Variants in TULP4 observed in about 807,000 individuals in gnomAD.
TULP4 encodes the protein TUB like protein 4, also known as tubby-related protein 4.
Under a neutral mutation model 129.0 loss-of-function variants are expected in TULP4, and 16 were observed. The observed-to-expected ratio is 0.12, with a 90% CI of 0.08 to 0.19. The LOEUF is 0.19. Ranked by LOEUF, TULP4 falls within the 10% of genes least tolerant of loss-of-function variation. The probability of loss-of-function intolerance (pLI) is 1.00; values close to 1 mark genes in which losing one functional copy is unlikely to be tolerated. For synonymous variants in TULP4, 998 were observed against 854.0 expected, an observed-to-expected ratio of 1.17 and a Z score of -2.94; for missense variants, 1,842 against 2,059.1, an observed-to-expected ratio of 0.89 and a Z score of 2.04.
At chr6:158,240,631 G>A (rs146772280) in intron 1 of TULP4, among the ~76,000 whole-genome samples, 7,232 of 102,270 alleles carry the variant, frequency 0.071, 1,303 homozygotes, top group East Asian at 0.11. Flanking sequence ...CAGACGGGGC[G>A]GCTGGCCGGG....
At chr6:158,255,072 AAAAAC>A (rs770423132) in intron 1 of TULP4, among the ~76,000 whole-genome samples, 5 of 152,108 alleles carry the variant, frequency 3.3e-5, no homozygotes, top group Non-Finnish European at 5.9e-5. Context: ...ACTCTGTCTC[AAAAAC>A]AAAACAAAAC....
intron 1 of TULP4, among the ~76,000 whole-genome samples, chr6:158,316,263 T>TCTTTGTAG (rs11280709): frequency 5.1e-4 from 2 of 3,888 alleles, no homozygotes; most frequent in Non-Finnish European, 2.7e-3. Context: ...TGTGTGCGTG[T>TCTTTGTAG]GGACCTGTGC....
chr6:158,372,142 T>TTTTA (rs10634551), intron 1 of TULP4, among the ~76,000 whole-genome samples: 12 of 121,266 alleles, frequency 9.9e-5, no homozygotes, highest in South Asian at 7.9e-4. Flanking sequence ...TTTTTTTTTT[T>TTTTA]AATACAATTC....
intron 3 of TULP4, among the ~76,000 whole-genome samples, chr6:158,434,563 C>T (rs1269582548): frequency 1.3e-5 from 2 of 152,178 alleles, no homozygotes; most frequent in Non-Finnish European, 2.9e-5. Context: ...CTGTGTTCTC[C>T]TTGGGTTTAG....
chr6:158,333,202 C>G (rs549916564), intron 1 of TULP4, among the ~76,000 whole-genome samples: 1 of 152,242 alleles, frequency 6.6e-6, no homozygotes, highest in East Asian at 1.9e-4. Flanking sequence ...TATGTTGAAG[C>G]CCTAACCTCC....
intron 1 of TULP4, chr6:158,242,521 C>A (rs766613752): frequency 3.9e-6 from 3 of 760,528 alleles, no homozygotes; most frequent in Non-Finnish European, 7.3e-6. Flanking sequence ...TTGGTACTTT[C>A]TACTGTCTTC....
At chr6:158,300,977 A>T (rs894606809) in intron 1 of TULP4, among the ~76,000 whole-genome samples, 1 of 152,216 alleles carries the variant, frequency 6.6e-6, no homozygotes, top group Non-Finnish European at 1.5e-5. Flanking sequence ...AGTCGACCTT[A>T]TCGTTACCAG....
intron 1 of TULP4, among the ~76,000 whole-genome samples, chr6:158,233,420 C>G (rs1218981033): frequency 6.6e-6 from 1 of 152,188 alleles, no homozygotes; most frequent in African/African-American, 2.4e-5. Context: ...CGTAAAAACC[C>G]GTTGCAGGTG....
At chr6:158,475,086 T>C (rs2128248074) in intron 6 of TULP4, among the ~76,000 whole-genome samples, 1 of 152,360 alleles carries the variant, frequency 6.6e-6, no homozygotes, top group South Asian at 2.1e-4. Context: ...GCATGGCATG[T>C]CTTGTGTACT....
intron 1 of TULP4, among the ~76,000 whole-genome samples, chr6:158,328,125 TGTGCGTGCGTGC>T (rs1779791054): frequency 1.9e-5 from 1 of 52,172 alleles, no homozygotes. Flanking sequence ...TGTGTGTGTG[TGTGCGTGCGTGC>T]TGGGAAAGAG....
intron 1 of TULP4, among the ~76,000 whole-genome samples, chr6:158,272,503 G>A (rs914508902): frequency 6.6e-6 from 1 of 152,170 alleles, no homozygotes; most frequent in African/African-American, 2.4e-5. Flanking sequence ...GGAACAAGCA[G>A]AGGAGACAGA....
chr6:158,495,368 A>T (rs1780312896), intron 11 of TULP4, among the ~76,000 whole-genome samples: 1 of 152,086 alleles, frequency 6.6e-6, no homozygotes, highest in African/African-American at 2.4e-5. Context: ...CGGGATTTTC[A>T]TTTTTTGCTA....
intron 6 of TULP4, 108 bp from the exon 7 acceptor site, chr6:158,479,643 T>A (rs959109654): frequency 1.1e-5 from 11 of 1,005,952 alleles, no homozygotes; most frequent in African/African-American, 1.6e-5. Context: ...AAAACCAGTA[T>A]TCTCAAAACA....
At chr6:158,266,897 C>T (rs1024111624) in intron 1 of TULP4, among the ~76,000 whole-genome samples, 8 of 152,174 alleles carry the variant, frequency 5.3e-5, no homozygotes, top group Admixed American at 1.3e-4. Flanking sequence ...CAGCCATCAT[C>T]GCTATCCATC....
chr6:158,278,092 C>A (rs925563288), upstream of TULP4, among the ~76,000 whole-genome samples: 11 of 152,184 alleles, frequency 7.2e-5, no homozygotes, highest in Admixed American at 7.2e-4. Flanking sequence ...GTGCTAAATT[C>A]ATCATCATAG....
At chr6:158,316,905 T>C (rs976838676) in intron 1 of TULP4, among the ~76,000 whole-genome samples, 6 of 152,198 alleles carry the variant, frequency 3.9e-5, no homozygotes, top group Admixed American at 3.9e-4. Flanking sequence ...TGTGGCCCTC[T>C]CCACAGCATG....
upstream of TULP4, among the ~76,000 whole-genome samples, chr6:158,278,643 G>C (rs920066031): frequency 3.3e-5 from 5 of 152,152 alleles, no homozygotes; most frequent in Admixed American, 1.3e-4. Flanking sequence ...TCTGATAATA[G>C]TGGGATTATT....
intron 1 of TULP4, among the ~76,000 whole-genome samples, chr6:158,378,814 T>C (rs1373545712): frequency 6.6e-6 from 1 of 152,098 alleles, no homozygotes; most frequent in Non-Finnish European, 1.5e-5. Flanking sequence ...GGAAGATAAA[T>C]TCAGTTTGGA....
At chr6:158,392,790 A>ATTTTTTTTTTTT (rs1554286987) in intron 1 of TULP4, among the ~76,000 whole-genome samples, 1 of 38,628 alleles carries the variant, frequency 2.6e-5, no homozygotes, top group Non-Finnish European at 5.7e-5. Context: ...TTAAATTTGT[A>ATTTTTTTTTTTT]TTTCTTTTTT....
Sources: allele counts gnomAD v4.1 joint callset (sites outside exome capture counted in the v4.1 genomes callset), GRCh38; gene constraint gnomAD v4.1.1; transcripts MANE v1.5; gene names NCBI Gene and HGNC (gene_info 2026-07-23, HGNC 2026-07-21).